RNF38: variants seen among roughly 807,000 people sequenced by gnomAD.
RNF38 encodes the protein E3 ubiquitin-protein ligase RNF38.
RNF38 carries 15 observed loss-of-function variants against 67.2 expected under a neutral mutation model. That is an observed-to-expected ratio of 0.22 (90% CI 0.15 to 0.34). The LOEUF (loss-of-function observed/expected upper bound fraction) is 0.34, where lower values mean the gene tolerates loss of function less well. RNF38 is among the 10% of genes least tolerant of loss of function. The pLI, the probability that RNF38 is intolerant of heterozygous loss-of-function variation, is 1.00. For missense variants in RNF38, 524 were observed against 639.9 expected, an observed-to-expected ratio of 0.82 and a Z score of 1.95; for synonymous variants, 220 against 218.8, an observed-to-expected ratio of 1.01 and a Z score of -0.05.
chr9:36,469,680 T>G (rs1587198586), intron 1 of RNF38, among the ~76,000 whole-genome samples: 1 of 150,910 alleles, frequency 6.6e-6, no homozygotes, highest in South Asian at 2.1e-4. Flanking sequence ...ATAAAAAATA[T>G]ATATAATGTT....
chr9:36,434,109 G>A (rs914563897), intron 1 of RNF38, among the ~76,000 whole-genome samples: 5 of 150,548 alleles, frequency 3.3e-5, no homozygotes, highest in Non-Finnish European at 5.9e-5. Context: ...GGTGGCACGC[G>A]CCCATAATCC....
intron 1 of RNF38, among the ~76,000 whole-genome samples, chr9:36,469,565 G>A (rs992485452): frequency 6.6e-6 from 1 of 152,140 alleles, no homozygotes; most frequent in Non-Finnish European, 1.5e-5. Context: ...GGAGGCTGAG[G>A]CAGGAGAATT....
At chr9:36,345,946 A>C (rs1833195873) in intron 9 of RNF38, among the ~76,000 whole-genome samples, 1 of 152,202 alleles carries the variant, frequency 6.6e-6, no homozygotes, top group African/African-American at 2.4e-5. Flanking sequence ...GTGAATACTT[A>C]TACCATAAGA....
At chr9:36,390,251 G>C (rs1836974318) in intron 2 of RNF38, among the ~76,000 whole-genome samples, 1 of 152,164 alleles carries the variant, frequency 6.6e-6, no homozygotes, top group Admixed American at 6.5e-5. Flanking sequence ...ATATTAAGTA[G>C]TCAAATAATT....
chr9:36,418,801 CA>C lies in RNF38; in HGVS notation n.312+5811del, dbSNP rs368597687. Among the ~76,000 whole-genome samples, 110 of 150,780 alleles carry C rather than the reference CA, an allele frequency of 7.3e-4. 2 individuals are homozygous for C. The South Asian group carries it at 0.022, about 30-fold the overall frequency. ...ACTCTGTCTCAAAAAACAACAACAA[CA>C]ACAACAAATTAGCTGGGCATGGTGG... On this transcript the variant is annotated intron_variant and non_coding_transcript_variant, in intron 2 of 3. Transcript: ENST00000488058.
intron 4 of RNF38, among the ~76,000 whole-genome samples, chr9:36,367,935 T>C (rs1212599219): frequency 2.0e-5 from 3 of 152,226 alleles, no homozygotes; most frequent in Admixed American, 6.5e-5. Context: ...CACTGCAACC[T>C]CCACCTCACA....
At chr9:36,402,884 G>A (rs1282445785), upstream of RNF38, among the ~76,000 whole-genome samples, 1 of 152,044 alleles carries the variant, frequency 6.6e-6, no homozygotes, top group African/African-American at 2.4e-5. Flanking sequence ...GAGACACGGT[G>A]CTCTGTCGCC....
chr9:36,460,359 CTTTTATCTATAGTGGT>C (rs888431476), intron 1 of RNF38, among the ~76,000 whole-genome samples: 2 of 152,116 alleles, frequency 1.3e-5, no homozygotes, highest in African/African-American at 4.8e-5. Flanking sequence ...GAATAAAAAG[CTTTTATCTATAGTGGT>C]TTAGCCAAAC....
At chr9:36,342,588 A>T (rs1832930205) in intron 10 of RNF38, among the ~76,000 whole-genome samples, 164 bp from the exon 11 acceptor site, 1 of 152,236 alleles carries the variant, frequency 6.6e-6, no homozygotes, top group African/African-American at 2.4e-5. Flanking sequence ...TTAAGGCAGT[A>T]AGAGTTTTGC....
chr9:36,429,083 T>C (rs1383619502), intron 1 of RNF38, among the ~76,000 whole-genome samples: 1 of 152,240 alleles, frequency 6.6e-6, no homozygotes, highest in Non-Finnish European at 1.5e-5. Context: ...AATTTTACTT[T>C]AACCAATTCT....
At chr9:36,431,638 A>C (rs1234094471) in intron 1 of RNF38, among the ~76,000 whole-genome samples, 1 of 152,226 alleles carries the variant, frequency 6.6e-6, no homozygotes, top group African/African-American at 2.4e-5. Flanking sequence ...CCATCCTCCC[A>C]GCACCTCAAT....
chr9:36,345,001 A>T, intron 9 of RNF38, 48 bp from the exon 10 acceptor site: 1 of 1,575,022 alleles, frequency 6.3e-7, no homozygotes, highest in Admixed American at 1.8e-5. Context: ...TACATTTTGC[A>T]TTCCAATACT....
chr9:36,444,655 C>T (rs1037843142), intron 1 of RNF38, among the ~76,000 whole-genome samples: 4 of 152,070 alleles, frequency 2.6e-5, no homozygotes, highest in Admixed American at 1.3e-4. Context: ...CAAAAATTAG[C>T]CAGAAGTGGT....
intron 9 of RNF38, among the ~76,000 whole-genome samples, chr9:36,349,823 C>T (rs1420826675): frequency 2.6e-5 from 4 of 152,082 alleles, no homozygotes; most frequent in African/African-American, 9.7e-5. Flanking sequence ...CAGTTTCATT[C>T]TTTTGCAGGT....
intron 2 of RNF38, among the ~76,000 whole-genome samples, chr9:36,420,077 A>C (rs1354445714): frequency 6.6e-6 from 1 of 152,222 alleles, no homozygotes; most frequent in Non-Finnish European, 1.5e-5. Context: ...AGGTTTCTTC[A>C]AACAGCAGAG....
At chr9:36,392,280 T>G (rs1587595320) in intron 1 of RNF38, among the ~76,000 whole-genome samples, 1 of 152,212 alleles carries the variant, frequency 6.6e-6, no homozygotes, top group African/African-American at 2.4e-5. Flanking sequence ...AACAAAGCAC[T>G]TGAAAGCAGA....
intron 11 of RNF38, among the ~76,000 whole-genome samples, chr9:36,340,330 T>C (rs939434049): frequency 2.0e-5 from 3 of 152,226 alleles, no homozygotes; most frequent in South Asian, 2.1e-4. Context: ...AAGATTACCA[T>C]TGACCAGTTT....
intron 1 of RNF38, among the ~76,000 whole-genome samples, chr9:36,446,992 T>C (rs1054935284): frequency 6.6e-6 from 1 of 150,688 alleles, no homozygotes; most frequent in African/African-American, 2.4e-5. Context: ...CTGGGTGTGG[T>C]GGCGGATGCC....
At position 36,352,732 on chromosome 9, in the gene RNF38, AAG is replaced by A; in HGVS notation, c.1178+8_1178+9del. 1 of 1,579,872 alleles carries A rather than the reference AAG, an allele frequency of 6.3e-7. No homozygotes were observed. The highest frequency in any genetic ancestry group is 8.7e-7 in the Non-Finnish European group (1 of 1,148,908). The stretch of plus-strand genomic sequence containing the variant: ...AAATTCAGAAATCATTAAGATAAGA[AAG>A]AACTTACAACACATATGGCAGTAAG... On this transcript the variant is annotated splice_region_variant and intron_variant, in intron 8 of 11. Transcript: ENST00000259605.
Sources: allele counts gnomAD v4.1 joint callset (sites outside exome capture counted in the v4.1 genomes callset), GRCh38; gene constraint gnomAD v4.1.1; transcripts MANE v1.5; gene names NCBI Gene and HGNC (gene_info 2026-07-23, HGNC 2026-07-21).